KLHL32: variants seen among roughly 807,000 people sequenced by gnomAD.
KLHL32 encodes the protein kelch like family member 32.
Under a neutral mutation model 64.8 loss-of-function variants are expected in KLHL32, and 35 were observed. The ratio of observed to expected loss-of-function variants is 0.54; its 90% CI spans 0.41 to 0.72. The LOEUF (loss-of-function observed/expected upper bound fraction) is 0.72, where lower values mean the gene tolerates loss of function less well. Ranked by LOEUF, KLHL32 falls within the 30% of genes least tolerant of loss-of-function variation. KLHL32 has a pLI of 0.00. For synonymous variants in KLHL32, 259 were observed against 281.0 expected (o/e 0.92, Z 0.78); for missense variants, 589 against 768.5 (o/e 0.77, Z 2.76).
rs118060297 is a variant in KLHL32 at position 96,981,090 on chromosome 6, G to A, written c.204+4913G>A. 1.4e-3 allele frequency among the ~76,000 whole-genome samples: 213 copies of A among 152,228 alleles called. 2 individuals carry two copies. Among genetic ancestry groups the A allele is most frequent in the Non-Finnish European group, 1.4e-3 (96 of 68,026 alleles). The stretch of plus-strand genomic sequence containing the variant: ...CTCACTATCACAGGAACAGCATGGA[G>A]GTAACTGCCCCCATAATTCAATTAC... On this transcript the variant is annotated intron_variant, in intron 3 of 10. Coordinates refer to ENST00000369261, the MANE Select transcript of KLHL32 (RefSeq NM_052904.4).
chr6:97,107,167 C>T (rs887210518), intron 6 of KLHL32, among the ~76,000 whole-genome samples: 1 of 151,970 alleles, frequency 6.6e-6, no homozygotes, highest in African/African-American at 2.4e-5. Flanking sequence ...GTGGCAGGTG[C>T]CTGTAGTCCC....
At chr6:96,984,643 T>C (rs1198220048) in intron 3 of KLHL32, among the ~76,000 whole-genome samples, 1 of 152,238 alleles carries the variant, frequency 6.6e-6, no homozygotes, top group Non-Finnish European at 1.5e-5. Context: ...GCCTTGTCTC[T>C]TTTGATCTTT....
At chr6:97,008,743 C>T (rs1201842528) in intron 3 of KLHL32, among the ~76,000 whole-genome samples, 1 of 152,164 alleles carries the variant, frequency 6.6e-6, no homozygotes, top group Admixed American at 6.5e-5. Flanking sequence ...CTCAGCAGCC[C>T]TGTGCAGGGT....
chr6:96,964,327 C>T (rs1774194089), intron 1 of KLHL32, among the ~76,000 whole-genome samples: 1 of 152,192 alleles, frequency 6.6e-6, no homozygotes, highest in Non-Finnish European at 1.5e-5. Context: ...CCATGTTGTT[C>T]ACTCTATTTA....
At chr6:96,998,407 C>CACTCTTTTTCAGAAA (rs1421124760) in intron 3 of KLHL32, among the ~76,000 whole-genome samples, 1 of 152,122 alleles carries the variant, frequency 6.6e-6, no homozygotes, top group Non-Finnish European at 1.5e-5. Context: ...GAACAACATA[C>CACTCTTTTTCAGAAA]ACTAAATCTC....
intron 1 of KLHL32, among the ~76,000 whole-genome samples, chr6:96,927,951 C>T (rs1226729319): frequency 6.6e-6 from 1 of 152,196 alleles, no homozygotes; most frequent in Non-Finnish European, 1.5e-5. Flanking sequence ...ATCTTATTTC[C>T]ATTTTACAGA....
At chr6:96,940,344 T>A (rs1771136914) in intron 1 of KLHL32, among the ~76,000 whole-genome samples, 2 of 151,830 alleles carry the variant, frequency 1.3e-5, no homozygotes, top group African/African-American at 4.8e-5. Context: ...TAGAGAGGGA[T>A]AAGCAAAAAG....
intron 3 of KLHL32, among the ~76,000 whole-genome samples, chr6:97,013,330 T>C (rs1562242674): frequency 2.0e-5 from 3 of 152,238 alleles, no homozygotes; most frequent in Non-Finnish European, 4.4e-5. Context: ...TGCCACATTA[T>C]ATGAGGAAAC....
chr6:96,902,238 TGCCA>T, the KLHL32 span, among the ~76,000 whole-genome samples: 1 of 152,154 alleles, frequency 6.6e-6, no homozygotes, highest in African/African-American at 2.4e-5. Context: ...TCCACAATCT[TGCCA>T]GCATCTGTTT....
chr6:97,051,028 AAC>A (rs137950297), intron 4 of KLHL32, among the ~76,000 whole-genome samples: 2,608 of 152,232 alleles, frequency 0.017, 70 homozygotes, highest in African/African-American at 0.059. Context: ...ACAAACAAAA[AAC>A]ACATGTGTTT....
chr6:97,074,386 C>T (rs1791255312), intron 5 of KLHL32, among the ~76,000 whole-genome samples: 1 of 152,126 alleles, frequency 6.6e-6, no homozygotes, highest in Non-Finnish European at 1.5e-5. Flanking sequence ...ACTGTTAAGT[C>T]ACTGATATTC....
chr6:96,951,731 T>G (rs550701369), intron 1 of KLHL32, among the ~76,000 whole-genome samples: 12 of 152,230 alleles, frequency 7.9e-5, no homozygotes, highest in Non-Finnish European at 1.6e-4. Flanking sequence ...CCTTGTGAGA[T>G]AAGTTTTATA....
intron 3 of KLHL32, among the ~76,000 whole-genome samples, chr6:97,016,560 T>A (rs1037325767): frequency 1.3e-5 from 2 of 152,264 alleles, no homozygotes; most frequent in African/African-American, 2.4e-5. Context: ...CTTTTGATTT[T>A]ACAGGCTTAT....
intron 1 of KLHL32, among the ~76,000 whole-genome samples, chr6:96,957,097 C>T (rs1010393980): frequency 6.6e-6 from 1 of 152,128 alleles, no homozygotes; most frequent in African/African-American, 2.4e-5. Context: ...AAGACACAGA[C>T]TATTTTTAAT....
rs35681235 is a variant in KLHL32, at chr6:97,011,935, T to TC, written c.205-29551dup. ...TATTCACATTTGTTACTTTGTTTAA[T>TC]CCCCCCAATAATCCTTAAATGTAGA... On this transcript the variant is annotated intron_variant, in intron 3 of 10. Transcript: ENST00000369261. Among the ~76,000 whole-genome samples, 3 of 152,304 alleles carry TC rather than the reference T, an allele frequency of 2.0e-5. No homozygotes were observed. In the East Asian group the frequency reaches 5.8e-4, roughly 29 times the overall value.
chr6:96,908,984 C>A, the KLHL32 span, among the ~76,000 whole-genome samples: 1 of 152,050 alleles, frequency 6.6e-6, no homozygotes, highest in Non-Finnish European at 1.5e-5. Flanking sequence ...AAAGAGGGTC[C>A]GTTTGAAGGG....
At chr6:96,987,696 C>T (rs1272549098) in intron 3 of KLHL32, among the ~76,000 whole-genome samples, 2 of 152,190 alleles carry the variant, frequency 1.3e-5, no homozygotes, top group African/African-American at 4.8e-5. Flanking sequence ...TACCTGACTT[C>T]AAACTATACT....
chr6:96,963,901 T>C (rs1266407252), intron 1 of KLHL32, among the ~76,000 whole-genome samples: 1 of 152,228 alleles, frequency 6.6e-6, no homozygotes, highest in Non-Finnish European at 1.5e-5. Flanking sequence ...ATCTTTGTCA[T>C]GCCAATGGCT....
At chr6:96,982,411 C>T (rs963618796) in intron 3 of KLHL32, among the ~76,000 whole-genome samples, 1 of 152,086 alleles carries the variant, frequency 6.6e-6, no homozygotes, top group Non-Finnish European at 1.5e-5. Flanking sequence ...GTAGATTTTT[C>T]TTTATCCCTT....
Sources: gnomAD v4.1 joint callset for allele counts (sites outside exome capture counted in the v4.1 genomes callset) on GRCh38, gnomAD v4.1.1 for gene constraint, MANE v1.5 for transcripts, NCBI Gene and HGNC (gene_info 2026-07-23, HGNC 2026-07-21) for gene names.